Variants in NEBL observed in about 807,000 individuals in gnomAD.
The protein encoded by NEBL is LIM and SH3 protein 2.
In NEBL, 122 loss-of-function variants were observed where a neutral mutation model predicts 140.2. That is an observed-to-expected ratio of 0.87 (90% CI 0.75 to 1.01). The LOEUF is 1.01. NEBL is among the 50% of genes least tolerant of loss of function. The pLI, the probability that NEBL is intolerant of heterozygous loss-of-function variation, is 0.00. For missense variants in NEBL, 1,365 were observed against 1,231.3 expected (o/e 1.11, Z -1.62); for synonymous variants, 436 against 398.9 (o/e 1.09, Z -1.11).
At chr10:21,245,626 G>C (rs543210152) in intron 3 of NEBL, among the ~76,000 whole-genome samples, 120 of 152,244 alleles carry the variant, frequency 7.9e-4, no homozygotes, top group African/African-American at 2.8e-3. Flanking sequence ...CCACCTCCTG[G>C]GTTCAAGTGA....
At chr10:20,800,645 A>G (rs1417850493) in intron 26 of NEBL, among the ~76,000 whole-genome samples, 1 of 152,070 alleles carries the variant, frequency 6.6e-6, no homozygotes, top group South Asian at 2.1e-4. Flanking sequence ...TTTTCTGGTT[A>G]TCTAATTTCA....
intron 1 of NEBL, among the ~76,000 whole-genome samples, chr10:21,282,064 G>C (rs1420447375): frequency 6.6e-6 from 1 of 152,174 alleles, no homozygotes; most frequent in African/African-American, 2.4e-5. Flanking sequence ...AGATGCAAGT[G>C]TGGGATTTGT....
intron 2 of NEBL, among the ~76,000 whole-genome samples, chr10:21,054,198 A>G (rs1834909911): frequency 6.6e-6 from 1 of 152,216 alleles, no homozygotes; most frequent in Non-Finnish European, 1.5e-5. Context: ...TAGAAACAGT[A>G]GAAAGGTGGT....
chr10:21,238,500 G>A (rs1842390566), intron 3 of NEBL, among the ~76,000 whole-genome samples: 1 of 150,332 alleles, frequency 6.7e-6, no homozygotes, highest in Non-Finnish European at 1.5e-5. Context: ...AGGAGTTCAA[G>A]ACCAGCCTGA....
intron 4 of NEBL, among the ~76,000 whole-genome samples, chr10:20,942,700 G>A (rs1362639507): frequency 1.3e-5 from 2 of 152,040 alleles, no homozygotes; most frequent in Non-Finnish European, 2.9e-5. Context: ...TCTGACAAAG[G>A]GCTAATATCC....
rs10671099 is a variant in NEBL, at chr10:21,200,308, C to CTTTTTT, written n.349-27837_349-27832dup. ...GTGTGAAGTGACATATTCCAAGGGA[C>CTTTTTT]TTTTTTTTTTTTTTTTTTTTTTTGA... On this transcript the variant is annotated intron_variant and non_coding_transcript_variant, in intron 3 of 8. Transcript: ENST00000675702. Among the ~76,000 whole-genome samples the CTTTTTT allele has an allele frequency of 3.7e-3, 307 of 81,944 alleles. 24 individuals are homozygous for CTTTTTT. Among genetic ancestry groups the CTTTTTT allele is most frequent in the African/African-American group, 0.013 (245 of 19,330 alleles). The allele number at this position is 81,944 out of a possible 152,430, so 53.8% of individuals were successfully genotyped here. A position where few individuals can be genotyped will look rare whatever the true frequency, so the allele number is the denominator to read the frequency against.
intron 2 of NEBL, among the ~76,000 whole-genome samples, chr10:21,148,629 G>A (rs754139406): frequency 3.3e-5 from 5 of 152,054 alleles, no homozygotes; most frequent in African/African-American, 4.8e-5. Context: ...GCGTGGAAGC[G>A]ATTGGCCTGC....
chr10:21,223,220 G>A (rs1490184755), intron 3 of NEBL, among the ~76,000 whole-genome samples: 1 of 152,094 alleles, frequency 6.6e-6, no homozygotes, highest in Non-Finnish European at 1.5e-5. Context: ...CCAGCCTCTG[G>A]TAACCATTCT....
chr10:20,792,355 G>A (rs1470706928), intron 26 of NEBL, among the ~76,000 whole-genome samples: 1 of 152,152 alleles, frequency 6.6e-6, no homozygotes, highest in Non-Finnish European at 1.5e-5. Flanking sequence ...ATCAGCTAAT[G>A]TATGTCAAAT....
At chr10:20,915,851 G>T (rs1300638324) in intron 4 of NEBL, among the ~76,000 whole-genome samples, 2 of 152,126 alleles carry the variant, frequency 1.3e-5, no homozygotes. Context: ...CCAAGGGCAG[G>T]CTCTGAAATT....
chr10:21,061,430 G>A (rs192027307), intron 2 of NEBL, among the ~76,000 whole-genome samples: 369 of 146,142 alleles, frequency 2.5e-3, no homozygotes, highest in Non-Finnish European at 4.4e-3. Context: ...TATATTGCAT[G>A]GTGTATGATA....
At chr10:21,107,227 T>C (rs758392986) in intron 2 of NEBL, among the ~76,000 whole-genome samples, 2 of 152,200 alleles carry the variant, frequency 1.3e-5, no homozygotes, top group Non-Finnish European at 2.9e-5. Flanking sequence ...ACGTTGAATA[T>C]GAGTGGTGAG....
intron 2 of NEBL, among the ~76,000 whole-genome samples, chr10:21,165,267 A>T (rs58040209): frequency 7.2e-5 from 11 of 152,194 alleles, no homozygotes; most frequent in African/African-American, 2.4e-4. Context: ...AAGATGTCAC[A>T]TTTTGAAACC....
intron 3 of NEBL, among the ~76,000 whole-genome samples, chr10:21,004,969 G>T (rs1838071872): frequency 6.6e-6 from 1 of 152,136 alleles, no homozygotes; most frequent in Non-Finnish European, 1.5e-5. Context: ...TGGAGAAACT[G>T]GTGAATTAAG....
chr10:20,798,433 T>C (rs191024087), intron 26 of NEBL, among the ~76,000 whole-genome samples: 2 of 152,318 alleles, frequency 1.3e-5, no homozygotes, highest in Admixed American at 6.5e-5. Context: ...GATCACATTA[T>C]GACTCTACTG....
chr10:20,865,523 T>A (rs1417225283), intron 7 of NEBL, among the ~76,000 whole-genome samples: 1 of 152,100 alleles, frequency 6.6e-6, no homozygotes, highest in African/African-American at 2.4e-5. Flanking sequence ...CCATACTGCT[T>A]CTCCGGGATT....
rs1032242421 is a variant in NEBL at position 21,097,224 on chromosome 10, G to T, written c.164+75159C>A. 5.6e-4 allele frequency among the ~76,000 whole-genome samples: 83 copies of T among 149,230 alleles called. 3 individuals are homozygous for T. The East Asian group carries it at 0.012, about 22-fold the overall frequency. ...TCCCAGCACTTTGGGAGGTCCGGGG[G>T]GGGGGTGGGGCAGATCACAAGGTCA... is the stretch of plus-strand genomic sequence containing the variant. On this transcript the variant is annotated intron_variant, in intron 2 of 6. Transcript: ENST00000417816.
At chr10:20,791,328 C>A (rs780640161) in intron 26 of NEBL, among the ~76,000 whole-genome samples, 19 of 152,060 alleles carry the variant, frequency 1.2e-4, no homozygotes, top group Non-Finnish European at 2.1e-4. Context: ...AGAGATAAAA[C>A]CAAGATAAAG....
intron 2 of NEBL, among the ~76,000 whole-genome samples, chr10:21,135,310 C>T (rs776596639): frequency 6.6e-6 from 1 of 152,220 alleles, no homozygotes; most frequent in Non-Finnish European, 1.5e-5. Flanking sequence ...GCTGACAGGA[C>T]AGCCCGTCCT....
Sources: gnomAD v4.1 joint callset for allele counts (sites outside exome capture counted in the v4.1 genomes callset) on GRCh38, gnomAD v4.1.1 for gene constraint, MANE v1.5 for transcripts, NCBI Gene and HGNC (gene_info 2026-07-23, HGNC 2026-07-21) for gene names.